Variants in SYT12 observed in about 807,000 individuals in gnomAD.
The protein encoded by SYT12 is synaptotagmin-12.
SYT12 carries 27 observed loss-of-function variants against 39.5 expected under a neutral mutation model. That is an observed-to-expected ratio of 0.68 (90% CI 0.50 to 0.94). The LOEUF (loss-of-function observed/expected upper bound fraction) is 0.94. SYT12 is among the 40% of genes least tolerant of loss of function. The pLI, the probability that SYT12 is intolerant of heterozygous loss-of-function variation, is 0.00. For missense variants in SYT12, 536 were observed against 572.6 expected (o/e 0.94, Z 0.65); for synonymous variants, 233 against 239.7 (o/e 0.97, Z 0.26).
At chr11:67,018,526 TAAAAA>T (rs1950077200), upstream of SYT12, among the ~76,000 whole-genome samples, 1 of 149,910 alleles carries the variant, frequency 6.7e-6, no homozygotes, top group South Asian at 2.1e-4. Context: ...TTCTGTCTCT[TAAAAA>T]AGAAAAAGAG....
At chr11:67,009,831 T>G (rs149783245) in intron 1 of SYT12, 219 of 153,748 alleles carry the variant, frequency 1.4e-3, no homozygotes, top group East Asian at 5.6e-3. Flanking sequence ...GGAGAGTTTT[T>G]TTTGTTTGTT....
chr11:67,023,217 G>A lies in SYT12; in HGVS notation c.-267G>A, dbSNP rs1950133017. The A allele has an allele frequency of 6.6e-6, 1 of 151,628 alleles. No homozygotes were observed. The highest frequency in any genetic ancestry group is 2.4e-5 in the African/African-American group (1 of 41,384). The allele number at this position is 151,628 out of a possible 1,614,324, so 9.4% of individuals were successfully genotyped here. On this transcript the variant is annotated 5_prime_UTR_variant, in exon 1 of 8. Coordinates refer to ENST00000527043, the MANE Select transcript of SYT12 (RefSeq NM_177963.4). ...AGAGGGAGCGGGCGGGCAAGCGGGC[G>A]AGCGCGAGGGAGCGCGCGGCGGGCT... is the stretch of plus-strand genomic sequence containing the variant.
At chr11:67,010,491 C>T (rs757921950) in intron 2 of SYT12, among the ~76,000 whole-genome samples, 7 of 152,208 alleles carry the variant, frequency 4.6e-5, no homozygotes, top group Non-Finnish European at 1.0e-4. Context: ...TCGGGTCCCC[C>T]CACCCCTCCC....
At chr11:67,009,131 G>A (rs966472166) in intron 1 of SYT12, among the ~76,000 whole-genome samples, 4 of 151,840 alleles carry the variant, frequency 2.6e-5, no homozygotes, top group Admixed American at 6.6e-5. Flanking sequence ...TCAGCCTCCC[G>A]AGTAGCTGAG....
chr11:67,008,156 G>A (rs1352910651), intron 1 of SYT12, among the ~76,000 whole-genome samples: 1 of 151,200 alleles, frequency 6.6e-6, no homozygotes, highest in Admixed American at 6.6e-5. Flanking sequence ...GTTTTGCCAT[G>A]TTTGCCAGCC....
intron 3 of SYT12, among the ~76,000 whole-genome samples, chr11:67,039,239 G>T (rs577312573): frequency 6.6e-6 from 1 of 151,930 alleles, no homozygotes; most frequent in East Asian, 1.9e-4. Context: ...GGAGGGGGAG[G>T]TTGCAGTGAA....
In SYT12 at chr11:67,026,472, C is replaced by T. The variant is rs992576770; in HGVS notation, c.-24+3012C>T. On this transcript the variant is annotated intron_variant, in intron 1 of 7. Coordinates refer to ENST00000527043, the MANE Select transcript of SYT12 (RefSeq NM_177963.4). ...ATTTTTAGCAGAGATGGGGTTTCTC[C>T]GTGTGGGTCAGGCTGGTCTCAAACT... 6 of 152,060 alleles carry T rather than the reference C, an allele frequency of 3.9e-5. No individual in the cohort carries two copies. In the South Asian group the frequency reaches 6.2e-4, roughly 16 times the overall value. 9.4% of individuals were successfully genotyped at this position (152,060 alleles called of 1,614,324 possible). A position where few individuals can be genotyped will look rare whatever the true frequency, so the allele number is the denominator to read the frequency against.
At chr11:67,044,537 T>C (rs1950573622) in intron 5 of SYT12, 56 bp from the exon 6 acceptor site, 3 of 1,588,344 alleles carry the variant, frequency 1.9e-6, no homozygotes, top group Non-Finnish European at 2.6e-6. Flanking sequence ...AGGCTTTCCC[T>C]GGACCCCTCA....
At chr11:67,012,701 T>A (rs1369095920) in intron 3 of SYT12, among the ~76,000 whole-genome samples, 3 of 152,160 alleles carry the variant, frequency 2.0e-5, no homozygotes, top group African/African-American at 7.2e-5. Flanking sequence ...AGCTGTCACA[T>A]TTCAGGGTCT....
At chr11:67,025,699 C>T (rs1278823422) in intron 1 of SYT12, among the ~76,000 whole-genome samples, 1 of 152,178 alleles carries the variant, frequency 6.6e-6, no homozygotes, top group African/African-American at 2.4e-5. Flanking sequence ...AGGGCACTGG[C>T]TGCACAGCAG....
intron 2 of SYT12, 134 bp downstream of exon 2, chr11:67,030,312 A>T: frequency 9.2e-7 from 1 of 1,084,098 alleles, no homozygotes; most frequent in Admixed American, 2.3e-5. Flanking sequence ...ACAGTCAGTG[A>T]CTTGCCCAAG....
At chr11:67,019,889 C>G (rs916867597), upstream of SYT12, among the ~76,000 whole-genome samples, 1 of 143,208 alleles carries the variant, frequency 7.0e-6, no homozygotes, top group African/African-American at 2.6e-5. Context: ...AGAGTGAGAC[C>G]CTGTCTCAAA....
rs372963291 is a variant in SYT12 at position 67,048,799 on chromosome 11, C to T, written c.*42C>T. 18 of 1,572,200 alleles carry T rather than the reference C, an allele frequency of 1.1e-5. No individual in the cohort carries two copies. Among genetic ancestry groups the T allele is most frequent in the Admixed American group, 5.1e-5 (3 of 59,060 alleles). The stretch of plus-strand genomic sequence containing the variant: ...GTTGGGCAATGGAGCTGCTGGAGCC[C>T]GGTACCCACTCAGCTCTGTCTGATG... On this transcript the variant is annotated 3_prime_UTR_variant, in exon 8 of 8. Coordinates refer to ENST00000527043, the MANE Select transcript of SYT12 (RefSeq NM_177963.4).
chr11:67,006,892 A>C (rs945957812), exon 1 of SYT12: 6 of 152,208 alleles, frequency 3.9e-5, no homozygotes, highest in South Asian at 2.1e-4. Context: ...TCCTTTATGG[A>C]CATTTGGCAG....
chr11:67,038,274 C>T (rs1950424945), intron 3 of SYT12, among the ~76,000 whole-genome samples: 1 of 152,016 alleles, frequency 6.6e-6, no homozygotes, highest in Non-Finnish European at 1.5e-5. Context: ...TCAAGCAGTT[C>T]TCCTGCCTCA....
chr11:67,035,800 TCCTTCCTTCCTTCCTTCCTTC>T (rs1565337243), intron 3 of SYT12, among the ~76,000 whole-genome samples: 672 of 53,950 alleles, frequency 0.012, 32 homozygotes, highest in African/African-American at 0.045. Context: ...TTTCCTTCCT[TCCTTCCTTCCTTCCTTCCTTC>T]CTTCCTTCCT....
In SYT12 at chr11:67,045,545, C is replaced by A. The variant is rs546094354; in HGVS notation, c.959-199C>A. ...CAGCTGCCTGAGCACAAAGCCCAGC[C>A]CTCACCTGACGTGCTGTGTGAGCCT... On this transcript the variant is annotated intron_variant, in intron 6 of 7. Coordinates refer to ENST00000527043, the MANE Select transcript of SYT12 (RefSeq NM_177963.4). 6.2e-5 allele frequency: 46 copies of A among 737,230 alleles called. No individual in the cohort carries two copies. The African/African-American group carries it at 7.7e-4, about 12-fold the overall frequency. The allele number at this position is 737,230 out of a possible 1,614,324, so 45.7% of individuals were successfully genotyped here.
At chr11:67,007,545 C>G (rs894705286) in intron 1 of SYT12, 1 of 151,900 alleles carries the variant, frequency 6.6e-6, no homozygotes, top group Non-Finnish European at 1.5e-5. Flanking sequence ...TCGTATATTT[C>G]TTTTCTTATT....
intron 3 of SYT12, among the ~76,000 whole-genome samples, chr11:67,035,502 G>A (rs2136217880): frequency 7.3e-6 from 1 of 136,918 alleles, no homozygotes; most frequent in African/African-American, 2.8e-5. Context: ...CTGTTGCCCA[G>A]GCTGGAGTGC....
Sources: allele counts gnomAD v4.1 joint callset (sites outside exome capture counted in the v4.1 genomes callset), GRCh38; gene constraint gnomAD v4.1.1; transcripts MANE v1.5; gene names NCBI Gene and HGNC (gene_info 2026-07-23, HGNC 2026-07-21).